The following CNTN2 variants were observed in gnomAD, a reference collection of about 807,000 sequenced individuals.
CNTN2 encodes contactin-2.
CNTN2 carries 53 observed loss-of-function variants against 117.5 expected under a neutral mutation model. The ratio of observed to expected loss-of-function variants is 0.45; its 90% confidence interval spans 0.36 to 0.57. CNTN2 has a LOEUF of 0.57. CNTN2 is among the 20% of genes least tolerant of loss of function. CNTN2 has a pLI of 0.00. For synonymous variants in CNTN2, 530 were observed against 561.7 expected, an observed-to-expected ratio of 0.94 and a Z score of 0.80; for missense variants, 1,106 against 1,404.3, an observed-to-expected ratio of 0.79 and a Z score of 3.39.
intron 2 of CNTN2, 28 bp downstream of exon 2, chr1:205,053,283 C>A: frequency 6.3e-7 from 1 of 1,587,714 alleles, no homozygotes; most frequent in East Asian, 2.3e-5. Flanking sequence ...GGCTTTGAAG[C>A]CTAGCAGGCA....
chr1:205,062,080 C>T (rs1286594524), intron 9 of CNTN2, 79 bp downstream of exon 9: 2 of 1,529,464 alleles, frequency 1.3e-6, no homozygotes, highest in South Asian at 1.2e-5. Context: ...CAGAACTTCC[C>T]CTGCACCACT....
chr1:205,059,567 A>G lies in CNTN2; in HGVS notation c.698-16A>G. 1 of 1,612,614 alleles carries G rather than the reference A, an allele frequency of 6.2e-7. No individual in the cohort carries two copies. On this transcript the variant is annotated splice_polypyrimidine_tract_variant and intron_variant, in intron 6 of 22. Transcript: ENST00000331830. This position sits in a 1 kb window ranked among gnomAD's most constrained non-coding sequence, Gnocchi z 5.6. Reference sequence around the variant, plus strand: ...GGAGTCATCTGCATCTGATTTGTAAAACCCTCTCTCCCCAGATACCCGGCT... The same window carrying G: ...GGAGTCATCTGCATCTGATTTGTAAGACCCTCTCTCCCCAGATACCCGGCT...
intron 21 of CNTN2, 165 bp downstream of exon 21, chr1:205,072,760 C>T: frequency 1.5e-6 from 1 of 686,516 alleles, no homozygotes; most frequent in East Asian, 2.7e-5. Flanking sequence ...CTCTCAGTAA[C>T]TTGCAGTAGA....
At position 205,074,351 on chromosome 1, in the gene CNTN2, C is replaced by T; in HGVS notation, c.*586C>T. 1.2e-5 allele frequency: 5 copies of T among 400,292 alleles called. No individual in the cohort carries two copies. Among genetic ancestry groups the T allele is most frequent in the East Asian group, 7.1e-5 (2 of 28,074 alleles). The allele number at this position is 400,292 out of a possible 1,614,324, so 24.8% of individuals were successfully genotyped here. Reference sequence around the variant, plus strand: ...CTGCCCAAGCGGCTGAGAACCAGCGCCCCGATGCCTGAGGCTGGGAGCCTG... The same window carrying T: ...CTGCCCAAGCGGCTGAGAACCAGCGTCCCGATGCCTGAGGCTGGGAGCCTG... On this transcript the variant is annotated 3_prime_UTR_variant, in exon 23 of 23. Transcript: ENST00000331830.
At chr1:205,046,588 C>G (rs767853087) in intron 1 of CNTN2, among the ~76,000 whole-genome samples, 4 of 152,178 alleles carry the variant, frequency 2.6e-5, no homozygotes, top group Non-Finnish European at 5.9e-5. Flanking sequence ...GACCTCACCC[C>G]CACCAGGCTT....
chr1:205,072,376 G>T, intron 20 of CNTN2, 107 bp from the exon 21 acceptor site: 1 of 993,750 alleles, frequency 1.0e-6, no homozygotes, highest in East Asian at 2.5e-5. Flanking sequence ...AATGTGCTGG[G>T]TGTAACTGCT....
intron 17 of CNTN2, 113 bp downstream of exon 17, chr1:205,069,674 C>G: frequency 7.1e-7 from 1 of 1,406,382 alleles, no homozygotes; most frequent in Non-Finnish European, 9.9e-7. Flanking sequence ...AACTTCCTGT[C>G]CCCCTTCCAC....
chr1:205,051,514 G>A (rs562376569), intron 1 of CNTN2, among the ~76,000 whole-genome samples: 1 of 152,278 alleles, frequency 6.6e-6, no homozygotes, highest in African/African-American at 2.4e-5. Flanking sequence ...ACAGGGAGGG[G>A]CAGGTATTTT....
chr1:205,062,155 C>A, intron 9 of CNTN2, 154 bp downstream of exon 9: 1 of 956,766 alleles, frequency 1.0e-6, no homozygotes, highest in South Asian at 1.8e-5. Flanking sequence ...GGACTTCTTC[C>A]CATCCCAGTC....
intron 1 of CNTN2, among the ~76,000 whole-genome samples, chr1:205,050,997 T>C (rs10900442): frequency 0.22 from 33,420 of 152,210 alleles, 4,587 homozygotes; most frequent in East Asian, 0.64. Flanking sequence ...TTTCAACTTA[T>C]GATATTTCCA....
intron 1 of CNTN2, among the ~76,000 whole-genome samples, chr1:205,046,107 G>C (rs780637994): frequency 5.9e-5 from 9 of 152,172 alleles, no homozygotes; most frequent in Non-Finnish European, 1.0e-4. Context: ...ATTTATGGGA[G>C]TTTCTGTGGG....
intron 1 of CNTN2, among the ~76,000 whole-genome samples, chr1:205,049,830 A>G (rs2096449198): frequency 6.6e-6 from 1 of 152,230 alleles, no homozygotes; most frequent in South Asian, 2.1e-4. Flanking sequence ...GGAACTTCAT[A>G]GGAAAGTCCT....
chr1:205,045,417 G>C (rs920999595), intron 1 of CNTN2, among the ~76,000 whole-genome samples: 3 of 152,154 alleles, frequency 2.0e-5, no homozygotes, highest in African/African-American at 7.2e-5. Flanking sequence ...TGCTTAACGG[G>C]GTGATTGCAC....
intron 1 of CNTN2, among the ~76,000 whole-genome samples, chr1:205,045,646 G>A (rs1167744961): frequency 6.6e-6 from 1 of 152,200 alleles, no homozygotes; most frequent in Non-Finnish European, 1.5e-5. Context: ...GGTGGTATTT[G>A]TATTTTTGGA....
intron 2 of CNTN2, among the ~76,000 whole-genome samples, chr1:205,056,597 G>T (rs753045635): frequency 6.6e-6 from 1 of 152,152 alleles, no homozygotes; most frequent in Non-Finnish European, 1.5e-5. Context: ...GGCTGGATGC[G>T]CTGGGAAAGG....
Position 205,070,038 on chromosome 1 carries a change from C to T in CNTN2, c.2408C>T (p.Ala803Val). 6.2e-7 allele frequency: 1 copy of T among 1,613,808 alleles called. No individual in the cohort carries two copies. Among genetic ancestry groups the T allele is most frequent in the South Asian group, 1.1e-5 (1 of 91,076 alleles). ...GGGGATGGGCCCGAGAGCCTCACTG[C>T]ACTCGTGTACTCAGCTGAGGAAGGT... ...RRGDGPESLT[A>V]LVYSAEEEPR... The change falls in exon 18 of 23, where the codon GCA becomes GTA. Residue 803 changes from alanine to valine, a missense_variant. Coordinates refer to ENST00000331830, the MANE Select transcript of CNTN2 (RefSeq NM_005076.5).
chr1:205,064,950 G>T, intron 12 of CNTN2, 137 bp from the exon 13 acceptor site: 1 of 1,198,674 alleles, frequency 8.3e-7, no homozygotes, highest in Non-Finnish European at 1.2e-6. Flanking sequence ...ATGCAGTCCT[G>T]GGCAGTTGGG....
chr1:205,053,332 GA>G, intron 2 of CNTN2, 77 bp downstream of exon 2: 1 of 1,241,210 alleles, frequency 8.1e-7, no homozygotes, highest in Non-Finnish European at 1.1e-6. Context: ...TTTGGGTGAC[GA>G]TTACAGAAAT....
chr1:205,060,729 A>AG (rs1491149078), intron 7 of CNTN2: 3 of 145,012 alleles, frequency 2.1e-5, no homozygotes, highest in African/African-American at 7.6e-5. Flanking sequence ...AAAAAAAAAA[A>AG]AAAAAGAAAA....
Sources: allele counts gnomAD v4.1 joint callset (sites outside exome capture counted in the v4.1 genomes callset), GRCh38; gene constraint gnomAD v4.1.1; non-coding constraint Gnocchi (gnomAD v3.1); transcripts MANE v1.5; gene names NCBI Gene and HGNC (gene_info 2026-07-23, HGNC 2026-07-21).